Variants in PCAT7 observed in about 807,000 individuals in gnomAD.
PCAT7 encodes the protein prostate cancer associated transcript 7.
chr9:94,573,772 G>T (rs1827291650), intron 3 of PCAT7, among the ~76,000 whole-genome samples: 5 of 152,124 alleles, frequency 3.3e-5, no homozygotes, highest in Admixed American at 3.3e-4. Context: ...AAGGAATATT[G>T]GTCTGTGGTA....
At chr9:94,555,780 A>G (rs1054910454) in intron 1 of PCAT7, among the ~76,000 whole-genome samples, 1 of 151,810 alleles carries the variant, frequency 6.6e-6, no homozygotes, top group African/African-American at 2.4e-5. Flanking sequence ...TGGTAGGTAA[A>G]AAGTGTTTGG....
upstream of PCAT7, among the ~76,000 whole-genome samples, chr9:94,554,740 C>T (rs896717866): frequency 3.2e-4 from 49 of 152,324 alleles, no homozygotes; most frequent in African/African-American, 1.0e-3. Context: ...CCTCCTACCG[C>T]TCCGTCACCA....
chr9:94,557,944 C>G (rs1827033840), intron 1 of PCAT7, among the ~76,000 whole-genome samples: 1 of 152,160 alleles, frequency 6.6e-6, no homozygotes, highest in Non-Finnish European at 1.5e-5. Context: ...CCAGTGTACA[C>G]CAGTTAGTCC....
chr9:94,569,254 G>C (rs501380), intron 2 of PCAT7: 1 of 152,000 alleles, frequency 6.6e-6, no homozygotes, highest in African/African-American at 2.4e-5. Flanking sequence ...AGCACTGGGG[G>C]TGGTGTCCAG....
intron 2 of PCAT7, chr9:94,570,175 G>A (rs905573013): frequency 2.0e-5 from 3 of 152,232 alleles, no homozygotes; most frequent in African/African-American, 7.2e-5. Flanking sequence ...CAGAGGCTCT[G>A]TCTGTGCCTG....
At chr9:94,558,171 G>A (rs2945802) in intron 1 of PCAT7, among the ~76,000 whole-genome samples, 38,668 of 152,120 alleles carry the variant, frequency 0.25, 6,267 homozygotes, top group East Asian at 0.54. Context: ...TCTAACTCAA[G>A]TTTATCCAAA....
At chr9:94,561,371 T>C (rs1385573512) in intron 2 of PCAT7, among the ~76,000 whole-genome samples, 2 of 136,612 alleles carry the variant, frequency 1.5e-5, no homozygotes, top group African/African-American at 5.4e-5. Flanking sequence ...TTTTTTTTTT[T>C]TTTTTTTTTG....
intron 2 of PCAT7, among the ~76,000 whole-genome samples, chr9:94,560,307 G>A (rs946008675): frequency 6.6e-6 from 1 of 152,226 alleles, no homozygotes; most frequent in African/African-American, 2.4e-5. Flanking sequence ...AGAACTGGCA[G>A]GAGGCTGCCT....
In PCAT7 at chr9:94,572,737, C is replaced by G. The variant is rs1827282544; in HGVS notation, n.442-242C>G. Among the ~76,000 whole-genome samples, 2 of 152,152 alleles carry G rather than the reference C, an allele frequency of 1.3e-5. 1 individual carries two copies. The highest frequency in any genetic ancestry group is 4.1e-4 in the South Asian group (2 of 4,826). ...CAACACACACATGAGTTTACACACA[C>G]ACATATATACATGCATACATGCAGT... On this transcript the variant is annotated intron_variant and non_coding_transcript_variant, in intron 2 of 8. Coordinates refer to ENST00000647389, the Ensembl canonical transcript of PCAT7.
chr9:94,559,345 C>T (rs890056937), intron 2 of PCAT7, among the ~76,000 whole-genome samples: 4 of 152,236 alleles, frequency 2.6e-5, no homozygotes, highest in Non-Finnish European at 5.9e-5. Context: ...GGGGGCCCCT[C>T]TGGCCAGGTG....
At chr9:94,557,248 T>C (rs1827025310) in intron 1 of PCAT7, among the ~76,000 whole-genome samples, 1 of 152,232 alleles carries the variant, frequency 6.6e-6, no homozygotes, top group Non-Finnish European at 1.5e-5. Flanking sequence ...AGATTCTTTT[T>C]CTATTTAAAT....
At chr9:94,562,047 C>T (rs1827113546) in intron 2 of PCAT7, among the ~76,000 whole-genome samples, 1 of 152,152 alleles carries the variant, frequency 6.6e-6, no homozygotes, top group Admixed American at 6.5e-5. Flanking sequence ...CGCTGTGACT[C>T]ATACCTGTAA....
rs182452945 is a variant in PCAT7, at chr9:94,562,968, G to A, written n.441+3816G>A. On this transcript the variant is annotated intron_variant and non_coding_transcript_variant, in intron 2 of 8. Coordinates refer to ENST00000647389, the Ensembl canonical transcript of PCAT7. ...CGTTTACATGCATTTGTTCTGGGAAGTGTGTTGATAAGTTTTATTAGGCTC... is the reference window on the plus strand; with the variant it reads ...CGTTTACATGCATTTGTTCTGGGAAATGTGTTGATAAGTTTTATTAGGCTC... Among the ~76,000 whole-genome samples, 4 of 152,320 alleles carry A rather than the reference G, an allele frequency of 2.6e-5. No individual in the cohort carries two copies. The East Asian group carries it at 5.8e-4, about 22-fold the overall frequency.
intron 2 of PCAT7, among the ~76,000 whole-genome samples, chr9:94,565,985 C>G (rs1406512070): frequency 2.0e-5 from 3 of 152,118 alleles, no homozygotes; most frequent in Admixed American, 6.5e-5. Flanking sequence ...TGAGAGTGTT[C>G]TGAGAAAGCC....
At chr9:94,560,054 G>A (rs1350757465) in intron 2 of PCAT7, among the ~76,000 whole-genome samples, 3 of 152,210 alleles carry the variant, frequency 2.0e-5, no homozygotes, top group African/African-American at 7.2e-5. Flanking sequence ...GAGCCCCGGA[G>A]TTCAAGGCTG....
At chr9:94,563,901 A>G (rs1355242304) in intron 2 of PCAT7, among the ~76,000 whole-genome samples, 1 of 152,232 alleles carries the variant, frequency 6.6e-6, no homozygotes, top group Non-Finnish European at 1.5e-5. Context: ...AAAGGACATT[A>G]CATAATGGTA....
chr9:94,554,895 G>A (rs1045304774), upstream of PCAT7, among the ~76,000 whole-genome samples: 13 of 152,112 alleles, frequency 8.5e-5, no homozygotes, highest in African/African-American at 2.2e-4. Context: ...GAAATGACGC[G>A]CCGCTGCCTC....
At chr9:94,559,825 GTAT>G (rs1587834283) in intron 2 of PCAT7, among the ~76,000 whole-genome samples, 1 of 151,880 alleles carries the variant, frequency 6.6e-6, no homozygotes, top group East Asian at 1.9e-4. Flanking sequence ...TGTACTATCT[GTAT>G]TCTCAGTAGT....
chr9:94,560,409 C>A (rs1240843606), intron 2 of PCAT7, among the ~76,000 whole-genome samples: 1 of 152,142 alleles, frequency 6.6e-6, no homozygotes, highest in East Asian at 1.9e-4. Context: ...ATGACGCCCC[C>A]AGCCTGACTC....
Sources: gnomAD v4.1 joint callset for allele counts (sites outside exome capture counted in the v4.1 genomes callset) on GRCh38, gnomAD v4.1.1 for gene constraint, MANE v1.5 for transcripts, NCBI Gene and HGNC (gene_info 2026-07-23, HGNC 2026-07-21) for gene names.